Variants in SLIT2 observed in about 807,000 individuals in gnomAD.
The protein encoded by SLIT2 is slit guidance ligand 2.
SLIT2 carries 41 observed loss-of-function variants against 185.7 expected under a neutral mutation model. The observed-to-expected ratio is 0.22, with a 90% CI of 0.17 to 0.29. SLIT2 has a LOEUF of 0.29. Ranked by LOEUF, SLIT2 falls within the 10% of genes least tolerant of loss-of-function variation. The probability of loss-of-function intolerance (pLI) is 1.00; values close to 1 mark genes in which losing one functional copy is unlikely to be tolerated. For synonymous variants in SLIT2, 693 were observed against 680.2 expected (o/e 1.02, Z -0.29); for missense variants, 1,571 against 1,909.0 (o/e 0.82, Z 3.30).
chr4:20,353,156 CA>C (rs1722023125), intron 4 of SLIT2, among the ~76,000 whole-genome samples: 1 of 152,086 alleles, frequency 6.6e-6, no homozygotes, highest in African/African-American at 2.4e-5. Context: ...TGTATTGATT[CA>C]GATTGTGTGT....
chr4:20,472,267 G>GATATAT (rs1325464832), intron 5 of SLIT2, among the ~76,000 whole-genome samples: 1 of 30,116 alleles, frequency 3.3e-5, no homozygotes, highest in East Asian at 1.8e-3. Flanking sequence ...TCTATATATA[G>GATATAT]ATATATATCT....
chr4:20,408,722 G>A (rs1403793519), intron 4 of SLIT2, among the ~76,000 whole-genome samples: 1 of 152,132 alleles, frequency 6.6e-6, no homozygotes, highest in Non-Finnish European at 1.5e-5. Context: ...TGATGAGTGA[G>A]CTGCAGTCTG....
Position 20,553,739 on chromosome 4 carries a change from G to T in SLIT2, c.2562-66G>T, listed in dbSNP as rs1723986712. Reference sequence around the variant, plus strand: ...GAAATAACAATACTTCCATACTTGTGTGTGTGTGTGTGTGTGTATGTGTGT... The same window carrying T: ...GAAATAACAATACTTCCATACTTGTTTGTGTGTGTGTGTGTGTATGTGTGT... On this transcript the variant is annotated intron_variant, in intron 25 of 36. Coordinates refer to ENST00000504154, the MANE Select transcript of SLIT2 (RefSeq NM_004787.4). The T allele has an allele frequency of 5.1e-6, 6 of 1,175,136 alleles. No individual in the cohort carries two copies. The Admixed American group carries it at 1.8e-4, about 35-fold the overall frequency. 72.8% of individuals were successfully genotyped at this position (1,175,136 alleles called of 1,614,324 possible).
At chr4:20,586,099 T>A (rs1039014105) in intron 29 of SLIT2, among the ~76,000 whole-genome samples, 8 of 152,200 alleles carry the variant, frequency 5.3e-5, no homozygotes, top group African/African-American at 1.9e-4. Flanking sequence ...TCCCTTCTTA[T>A]ATTGAGCTCC....
At chr4:20,607,103 A>G (rs1055051605) in intron 33 of SLIT2, among the ~76,000 whole-genome samples, 3 of 152,170 alleles carry the variant, frequency 2.0e-5, no homozygotes, top group African/African-American at 7.2e-5. Flanking sequence ...ATACTTGTAA[A>G]GTTCTTAGTA....
chr4:20,581,445 T>C (rs1166108615), intron 29 of SLIT2, among the ~76,000 whole-genome samples: 1 of 150,814 alleles, frequency 6.6e-6, no homozygotes, highest in African/African-American at 2.5e-5. Flanking sequence ...CATCACTGTA[T>C]TTTAAACTCT....
chr4:20,379,988 G>A (rs868621277), intron 4 of SLIT2, among the ~76,000 whole-genome samples: 1 of 152,072 alleles, frequency 6.6e-6, no homozygotes, highest in Non-Finnish European at 1.5e-5. Context: ...ACTGCAGAGG[G>A]GTTCAGTCAA....
chr4:20,546,804 C>G (rs951474823), intron 22 of SLIT2, among the ~76,000 whole-genome samples: 3 of 151,864 alleles, frequency 2.0e-5, no homozygotes, highest in African/African-American at 7.3e-5. Context: ...TTGATATAAT[C>G]TTTTACATAT....
At chr4:20,256,773 T>C in intron 2 of SLIT2, 30 bp downstream of exon 2, 1 of 1,118,120 alleles carries the variant, frequency 8.9e-7, no homozygotes. Flanking sequence ...TTTTAAATAA[T>C]TTTTTAAGGT....
intron 4 of SLIT2, among the ~76,000 whole-genome samples, chr4:20,425,809 A>C (rs1728518447): frequency 6.6e-6 from 1 of 152,216 alleles, no homozygotes; most frequent in Non-Finnish European, 1.5e-5. Context: ...AACTTAAAGT[A>C]GTAAATGGAG....
At chr4:20,279,338 T>C (rs1714494533) in intron 4 of SLIT2, among the ~76,000 whole-genome samples, 1 of 152,240 alleles carries the variant, frequency 6.6e-6, no homozygotes, top group Non-Finnish European at 1.5e-5. Context: ...ATAGCAGATC[T>C]ACCGTATCTC....
chr4:20,317,911 T>A (rs2109154019), intron 4 of SLIT2, among the ~76,000 whole-genome samples: 1 of 152,262 alleles, frequency 6.6e-6, no homozygotes, highest in African/African-American at 2.4e-5. Context: ...AAAGGAATTT[T>A]AAATAAAGGA....
chr4:20,601,888 G>A (rs1285191584), intron 33 of SLIT2, among the ~76,000 whole-genome samples: 1 of 152,058 alleles, frequency 6.6e-6, no homozygotes, highest in Non-Finnish European at 1.5e-5. Context: ...GTAAAACATT[G>A]TTTTCCAAAT....
chr4:20,493,096 A>G (rs1297265070), intron 9 of SLIT2, among the ~76,000 whole-genome samples: 1 of 152,190 alleles, frequency 6.6e-6, no homozygotes, highest in Non-Finnish European at 1.5e-5. Flanking sequence ...TGAAAGAAGA[A>G]TAAGTTATAA....
In SLIT2 at chr4:20,596,686, C is replaced by T. The variant is rs757777118; in HGVS notation, c.3561+31C>T. On this transcript the variant is annotated intron_variant, in intron 32 of 36. Coordinates refer to ENST00000504154, the MANE Select transcript of SLIT2 (RefSeq NM_004787.4). Reference sequence around the variant, plus strand: ...AGATCTCTCTCTATGGAGAGATGATCGGATCTTAAAATTCAGCTTCAGAGA... The same window carrying T: ...AGATCTCTCTCTATGGAGAGATGATTGGATCTTAAAATTCAGCTTCAGAGA... 9.4e-6 allele frequency: 15 copies of T among 1,590,078 alleles called. No individual in the cohort carries two copies. In the Admixed American group the frequency reaches 2.4e-4, roughly 26 times the overall value.
chr4:20,578,183 C>G (rs908455372), intron 29 of SLIT2, among the ~76,000 whole-genome samples: 1 of 152,166 alleles, frequency 6.6e-6, no homozygotes, highest in African/African-American at 2.4e-5. Context: ...TGCTATCTTT[C>G]CTATTTTTTT....
chr4:20,532,984 G>T (rs1721938794), intron 17 of SLIT2, among the ~76,000 whole-genome samples: 1 of 152,098 alleles, frequency 6.6e-6, no homozygotes, highest in South Asian at 2.1e-4. Flanking sequence ...GAAAGAGAAA[G>T]AAAAAGCCTA....
At chr4:20,372,352 A>T (rs1344737555) in intron 4 of SLIT2, among the ~76,000 whole-genome samples, 6 of 151,214 alleles carry the variant, frequency 4.0e-5, no homozygotes, top group African/African-American at 7.3e-5. Flanking sequence ...TGATTATTGG[A>T]CTTTTTTTTT....
chr4:20,404,026 G>A (rs894029461), intron 4 of SLIT2, among the ~76,000 whole-genome samples: 7 of 151,930 alleles, frequency 4.6e-5, no homozygotes, highest in Non-Finnish European at 7.4e-5. Flanking sequence ...CTACAGCAGT[G>A]TCCAAATGTG....
Sources: gnomAD v4.1 joint callset for allele counts (sites outside exome capture counted in the v4.1 genomes callset) on GRCh38, gnomAD v4.1.1 for gene constraint, MANE v1.5 for transcripts, NCBI Gene and HGNC (gene_info 2026-07-23, HGNC 2026-07-21) for gene names.